IL13RA1: variants seen among roughly 807,000 people sequenced by gnomAD.
IL13RA1 encodes interleukin-13 receptor subunit alpha-1.
Under a neutral mutation model 33.8 loss-of-function variants are expected in IL13RA1, and 14 were observed. The ratio of observed to expected loss-of-function variants is 0.41; its 90% confidence interval spans 0.27 to 0.65. IL13RA1 has a LOEUF of 0.65. Among genes scored for constraint, IL13RA1 ranks in the 30% least tolerant of loss-of-function variants. The pLI, the probability that IL13RA1 is intolerant of heterozygous loss-of-function variation, is 0.28. For synonymous variants in IL13RA1, 116 were observed against 115.7 expected, an observed-to-expected ratio of 1.00 and a Z score of -0.02; for missense variants, 313 against 327.0, an observed-to-expected ratio of 0.96 and a Z score of 0.33.
At chrX:118,776,378 A>G (rs377577687) in intron 9 of IL13RA1, 49 bp from the exon 10 acceptor site, 14 of 547,658 alleles carry the variant, frequency 2.6e-5, no homozygotes, top group African/African-American at 7.0e-5. Context: ...TATGTGGGAC[A>G]CTCCTATGGA....
chrX:118,798,795 C>T (rs1296830452), downstream of IL13RA1, among the ~76,000 whole-genome samples: 3 of 112,775 alleles, frequency 2.7e-5, no homozygotes, highest in Non-Finnish European at 5.6e-5. Flanking sequence ...AGCGTGCTGG[C>T]AGTCCTCACA....
Position 118,727,652 on chromosome X carries a change from C to CGCG in IL13RA1, c.17_19dup (p.Arg6dup). 1 of 911,088 alleles carries CGCG rather than the reference C, an allele frequency of 1.1e-6. No individual in the cohort carries two copies. The highest frequency in any genetic ancestry group is 1.4e-6 in the Non-Finnish European group (1 of 736,101). 75.1% of individuals were successfully genotyped at this position (911,088 alleles called of 1,213,427 possible). A position where few individuals can be genotyped will look rare whatever the true frequency, so the allele number is the denominator to read the frequency against. On this transcript the variant is annotated inframe_insertion, in exon 1 of 11. Transcript: ENST00000371666. ...GCGAGAGGCTGCATGGAGTGGCCGGCGCGGCTCTGCGGGCTGTGGGCGCTG... is the reference window on the plus strand; with the variant it reads ...GCGAGAGGCTGCATGGAGTGGCCGGCGCGGCGGCTCTGCGGGCTGTGGGCGCTG...
downstream of IL13RA1, among the ~76,000 whole-genome samples, chrX:118,796,822 C>T (rs756221226): frequency 2.7e-5 from 3 of 112,950 alleles, no homozygotes; most frequent in Non-Finnish European, 5.6e-5. Flanking sequence ...AGGCGTGAGC[C>T]ACCGTGCCTG....
chrX:118,772,147 G>A (rs1045297175), intron 8 of IL13RA1, among the ~76,000 whole-genome samples: 7 of 112,439 alleles, frequency 6.2e-5, no homozygotes, highest in Non-Finnish European at 1.3e-4. Context: ...CAGTTCAGAG[G>A]GAATGCTTTT....
intron 8 of IL13RA1, among the ~76,000 whole-genome samples, chrX:118,771,592 C>G (rs2017721989): frequency 8.9e-6 from 1 of 112,390 alleles, no homozygotes; most frequent in African/African-American, 3.2e-5. Flanking sequence ...TTCCCAGGGA[C>G]AGTGACACCA....
Position 118,770,751 on chromosome X carries a change from C to T in IL13RA1, c.1010-3128C>T, listed in dbSNP as rs1393621338. 9.7e-5 allele frequency: 34 copies of T among 349,406 alleles called. No individual in the cohort carries two copies. The East Asian group carries it at 2.5e-3, about 26-fold the overall frequency. 28.8% of individuals were successfully genotyped at this position (349,406 alleles called of 1,213,427 possible). A position where few individuals can be genotyped will look rare whatever the true frequency, so the allele number is the denominator to read the frequency against. The stretch of plus-strand genomic sequence containing the variant: ...GTGGCAGGAACCCCTTCCTGTGCAT[C>T]GCCTATGTGGTGGTCAGCTCCCTCT... On this transcript the variant is annotated intron_variant, in intron 8 of 10. Coordinates refer to ENST00000371666, the MANE Select transcript of IL13RA1 (RefSeq NM_001560.3).
At chrX:118,782,054 A>G (rs956884887) in intron 10 of IL13RA1, among the ~76,000 whole-genome samples, 3 of 110,529 alleles carry the variant, frequency 2.7e-5, no homozygotes, top group African/African-American at 6.6e-5. Flanking sequence ...TTCTCTTTCT[A>G]TCATTTCTAC....
chrX:118,798,762 A>G (rs892383582), downstream of IL13RA1, among the ~76,000 whole-genome samples: 4 of 112,475 alleles, frequency 3.6e-5, no homozygotes, highest in Non-Finnish European at 7.5e-5. Context: ...TGCCCAGGCT[A>G]GAGTACAGTG....
In IL13RA1 at chrX:118,766,934, G is replaced by A; in HGVS notation, c.967G>A (p.Asp323Asn). ...CAAAACAAATAAGTTATGCTATGAG[G>A]ATGACAAACTCTGGAGTAATTGGAG... is the stretch of plus-strand genomic sequence containing the variant. ...RVKTNKLCYEDDKLWSNWSQE... is the reference protein window; with the variant it reads ...RVKTNKLCYENDKLWSNWSQE... The change falls in exon 8 of 11, where the codon GAT becomes AAT. Residue 323 changes from aspartate (D) to asparagine (N), a missense_variant. By Grantham distance (23) the Asp-to-Asn change is conservative (BLOSUM62 1). Coordinates refer to ENST00000371666, the MANE Select transcript of IL13RA1 (RefSeq NM_001560.3). The A allele has an allele frequency of 1.8e-6, 2 of 1,128,681 alleles. No homozygotes were observed. Among genetic ancestry groups the A allele is most frequent in the Non-Finnish European group, 2.4e-6 (2 of 823,595 alleles). 93.0% of individuals were successfully genotyped at this position (1,128,681 alleles called of 1,213,427 possible).
intron 1 of IL13RA1, among the ~76,000 whole-genome samples, chrX:118,737,015 C>G (rs1467675660): frequency 8.9e-6 from 1 of 112,629 alleles, no homozygotes; most frequent in Non-Finnish European, 1.9e-5. Flanking sequence ...GAGCGCCATT[C>G]TTTTACATCT....
chrX:118,780,542 C>T (rs2017831764), intron 10 of IL13RA1, among the ~76,000 whole-genome samples: 1 of 112,698 alleles, frequency 8.9e-6, no homozygotes, highest in Non-Finnish European at 1.9e-5. Context: ...GTGGTGCCAG[C>T]ATCTGCTTCT....
intron 4 of IL13RA1, among the ~76,000 whole-genome samples, chrX:118,754,625 A>G (rs1456757977): frequency 9.9e-6 from 1 of 101,231 alleles, no homozygotes; most frequent in African/African-American, 3.7e-5. Context: ...CAACAGAGCA[A>G]GACTCCATCT....
intron 6 of IL13RA1, among the ~76,000 whole-genome samples, chrX:118,762,751 A>G (rs762805840): frequency 1.6e-4 from 18 of 112,339 alleles, no homozygotes; most frequent in African/African-American, 5.5e-4. Context: ...AAAAGGAGTT[A>G]TCAGAAAGCT....
chrX:118,783,249 G>A (rs922950728), intron 10 of IL13RA1, among the ~76,000 whole-genome samples: 1 of 111,883 alleles, frequency 8.9e-6, no homozygotes, highest in African/African-American at 3.3e-5. Context: ...AGCCAGTTGT[G>A]TAAGCCCCCT....
Position 118,733,202 on chromosome X carries a change from A to AT in IL13RA1, c.88+5483dup, listed in dbSNP as rs1227954212. The stretch of plus-strand genomic sequence containing the variant: ...GTATCATATGATAATTCTATTTGTA[A>AT]TTTTTTTGAGGAACCACCATACTGT... On this transcript the variant is annotated intron_variant, in intron 1 of 10. Transcript: ENST00000371666. 3.6e-5 allele frequency among the ~76,000 whole-genome samples: 4 copies of AT among 111,904 alleles called. No individual in the cohort carries two copies. In the East Asian group the frequency reaches 8.3e-4, roughly 23 times the overall value.
In IL13RA1 at chrX:118,761,291, TA is replaced by T; in HGVS notation, c.828+4del. 1.0e-6 allele frequency: 1 copy of T among 953,398 alleles called. No homozygotes were observed. The highest frequency in any genetic ancestry group is 1.4e-6 in the Non-Finnish European group (1 of 695,519). The allele number at this position is 953,398 out of a possible 1,213,427, so 78.6% of individuals were successfully genotyped here. ...ACTGAGACACATAATGTTTTCTACG[TA>T]AGGTTTTAAAATTATTGTTTTTATT... On this transcript the variant is annotated splice_donor_region_variant and intron_variant, in intron 6 of 10. Transcript: ENST00000371666.
chrX:118,741,814 G>A (rs1175250349), intron 2 of IL13RA1, among the ~76,000 whole-genome samples: 3 of 110,288 alleles, frequency 2.7e-5, no homozygotes, highest in East Asian at 2.8e-4. Context: ...GCAGGGTGGC[G>A]GCGGTGAGTG....
At chrX:118,791,076 A>G (rs956875828) in intron 10 of IL13RA1, among the ~76,000 whole-genome samples, 14 of 111,726 alleles carry the variant, frequency 1.3e-4, no homozygotes, top group Admixed American at 1.1e-3. Context: ...TAGTATAACA[A>G]CTTTATTTTA....
intron 1 of IL13RA1, among the ~76,000 whole-genome samples, chrX:118,732,043 A>G (rs1366467907): frequency 8.9e-6 from 1 of 111,929 alleles, no homozygotes; most frequent in South Asian, 3.6e-4. Flanking sequence ...TCAATTTTTT[A>G]TTATAAAATA....
Sources: allele counts gnomAD v4.1 joint callset (sites outside exome capture counted in the v4.1 genomes callset), GRCh38; gene constraint gnomAD v4.1.1; transcripts MANE v1.5; gene names NCBI Gene and HGNC (gene_info 2026-07-23, HGNC 2026-07-21).